The following SYNE2 variants were observed in gnomAD, a reference collection of about 807,000 sequenced individuals.
SYNE2 encodes the protein nesprin-2.
A neutral mutation model predicts 856.3 loss-of-function variants in SYNE2; 431 were observed. The observed-to-expected ratio is 0.50, with a 90% CI of 0.47 to 0.55. The LOEUF (loss-of-function observed/expected upper bound fraction) is 0.55. Ranked by LOEUF, SYNE2 falls within the 20% of genes least tolerant of loss-of-function variation. SYNE2 has a pLI of 0.00. For synonymous variants in SYNE2, 2,923 were observed against 2,872.3 expected, an observed-to-expected ratio of 1.02 and a Z score of -0.56; for missense variants, 8,129 against 8,023.2, an observed-to-expected ratio of 1.01 and a Z score of -0.50.
At chr14:64,190,665 C>G (rs1169926033) in intron 99 of SYNE2, 2 of 698,628 alleles carry the variant, frequency 2.9e-6, no homozygotes, top group Non-Finnish European at 5.2e-6. Context: ...GACTGCCCCA[C>G]TACTTGCACT....
At chr14:64,044,183 A>G (rs757168421) in intron 45 of SYNE2, among the ~76,000 whole-genome samples, 8 of 152,246 alleles carry the variant, frequency 5.3e-5, no homozygotes, top group Non-Finnish European at 1.0e-4. Flanking sequence ...GACCGTGGGA[A>G]CCTACCCCTT....
chr14:64,003,713 A>T (rs1406382965), intron 30 of SYNE2, among the ~76,000 whole-genome samples: 1 of 152,202 alleles, frequency 6.6e-6, no homozygotes, highest in Admixed American at 6.5e-5. Context: ...GTGGTGGAAG[A>T]TGCATATGCC....
In SYNE2 at chr14:63,995,978, A is replaced by G. The variant is rs2096711299; in HGVS notation, c.2940+776A>G. Among the ~76,000 whole-genome samples the G allele has an allele frequency of 6.6e-5, 10 of 152,246 alleles. No homozygotes were observed. In the South Asian group the frequency reaches 2.1e-3, roughly 32 times the overall value. Reference sequence around the variant, plus strand: ...TGGGGTTTGACCTGCCTTCTCTGCAATGATAGTGCGTCAATTTTTCTCTCC... The same window carrying G: ...TGGGGTTTGACCTGCCTTCTCTGCAGTGATAGTGCGTCAATTTTTCTCTCC... On this transcript the variant is annotated intron_variant, in intron 23 of 115. Transcript: ENST00000555002.
chr14:64,023,388 C>A (rs187166841), intron 38 of SYNE2: 1 of 153,736 alleles, frequency 6.5e-6, no homozygotes, highest in Admixed American at 6.4e-5. Flanking sequence ...CTTACAGAAT[C>A]TCTACTTTTA....
At chr14:64,086,970 A>G (rs567226387) in intron 57 of SYNE2, among the ~76,000 whole-genome samples, 1 of 151,616 alleles carries the variant, frequency 6.6e-6, no homozygotes, top group East Asian at 1.9e-4. Context: ...TCAGCCTCCC[A>G]AAGTGCTGGA....
At chr14:63,793,707 C>G (rs1887817353) in intron 1 of SYNE2, among the ~76,000 whole-genome samples, 2 of 151,932 alleles carry the variant, frequency 1.3e-5, no homozygotes, top group African/African-American at 4.8e-5. Flanking sequence ...GAGGCCAGAG[C>G]ATGAGGATTG....
intron 64 of SYNE2, among the ~76,000 whole-genome samples, chr14:64,103,321 T>C (rs1052168321): frequency 6.6e-6 from 1 of 151,170 alleles, no homozygotes; most frequent in Middle Eastern, 3.5e-3. Context: ...GCCACTCTTT[T>C]GGGAGTTTTG....
At chr14:64,145,942 C>A in intron 83 of SYNE2, 126 bp from the exon 84 acceptor site, 1 of 604,480 alleles carries the variant, frequency 1.7e-6, no homozygotes, top group South Asian at 2.6e-5. Flanking sequence ...GTTATCAGAG[C>A]ATCTTATTAC....
chr14:63,791,851 A>AG (rs1887744855), intron 1 of SYNE2, among the ~76,000 whole-genome samples: 1 of 140,686 alleles, frequency 7.1e-6, no homozygotes, highest in African/African-American at 2.6e-5. Flanking sequence ...AGGCTGAGGC[A>AG]GGGGAATGGT....
intron 1 of SYNE2, among the ~76,000 whole-genome samples, chr14:63,856,835 G>A (rs890017350): frequency 9.2e-5 from 14 of 152,198 alleles, no homozygotes; most frequent in Admixed American, 6.5e-4. Flanking sequence ...ACAGTGGTGC[G>A]ATCATGGCTC....
At chr14:63,938,960 G>A (rs1314924727) in intron 2 of SYNE2, among the ~76,000 whole-genome samples, 4 of 152,116 alleles carry the variant, frequency 2.6e-5, no homozygotes, top group East Asian at 1.9e-4. Context: ...GCATGTGTGC[G>A]CTTGCATGTG....
Position 64,078,086 on chromosome 14 carries a change from T to C in SYNE2, c.11023-380T>C, listed in dbSNP as rs147892613. Among the ~76,000 whole-genome samples the C allele has an allele frequency of 3.2e-3, 485 of 152,328 alleles. 1 individual carries two copies. Among genetic ancestry groups the C allele is most frequent in the African/African-American group, 0.011 (464 of 41,564 alleles). On this transcript the variant is annotated intron_variant, in intron 54 of 115. Coordinates refer to ENST00000555002, the MANE Select transcript of SYNE2 (RefSeq NM_182914.3). ...GATAGATTCTCATAAAATGGAAAGA[T>C]TGTATAAAAATAATTTATCCCCCAG...
chr14:64,063,931 A>G (rs1003128836), intron 50 of SYNE2, among the ~76,000 whole-genome samples: 1 of 152,198 alleles, frequency 6.6e-6, no homozygotes, highest in South Asian at 2.1e-4. Flanking sequence ...GTACACGCCT[A>G]TGATAAAGTT....
intron 36 of SYNE2, 107 bp from the exon 37 acceptor site, chr14:64,021,750 C>T: frequency 7.9e-7 from 1 of 1,259,338 alleles, no homozygotes; most frequent in Non-Finnish European, 1.1e-6. Context: ...TGAATCCACT[C>T]AACAGAGAGT....
At chr14:63,948,790 A>ATG (rs1566884745) in intron 6 of SYNE2, among the ~76,000 whole-genome samples, 2,157 of 73,880 alleles carry the variant, frequency 0.029, 187 homozygotes, top group African/African-American at 0.14. Context: ...GTGTATATAT[A>ATG]TATATATATA....
chr14:64,154,792 C>CAAAAAAAA (rs34020154), intron 85 of SYNE2, among the ~76,000 whole-genome samples: 1 of 91,118 alleles, frequency 1.1e-5, no homozygotes, highest in Non-Finnish European at 2.3e-5. Flanking sequence ...GACCCTGTCT[C>CAAAAAAAA]AAAAAAAAAA....
Position 64,007,227 on chromosome 14 carries a change from G to A in SYNE2, c.4577+5G>A. 6.2e-7 allele frequency: 1 copy of A among 1,613,226 alleles called. No individual in the cohort carries two copies. The highest frequency in any genetic ancestry group is 8.5e-7 in the Non-Finnish European group (1 of 1,179,356). On this transcript the variant is annotated splice_donor_5th_base_variant and intron_variant, in intron 31 of 115. Transcript: ENST00000555002. ...CAAAGCCTTGGTCACCGAATGGTAAGGAAAAAAAAGAATCCCTCTTGAATC... is the reference window on the plus strand; with the variant it reads ...CAAAGCCTTGGTCACCGAATGGTAAAGAAAAAAAAGAATCCCTCTTGAATC...
At chr14:64,098,200 G>A (rs888939244) in intron 62 of SYNE2, 54 bp downstream of exon 62, 1 of 1,588,698 alleles carries the variant, frequency 6.3e-7, no homozygotes, top group East Asian at 2.2e-5. Context: ...AGCATTAATG[G>A]GTAGTGTTTT....
chr14:64,108,312 A>G (rs2097784291), intron 65 of SYNE2, among the ~76,000 whole-genome samples: 2 of 152,196 alleles, frequency 1.3e-5, no homozygotes, highest in African/African-American at 2.4e-5. Flanking sequence ...AGATTGCGCC[A>G]CTGCACTCCA....
Sources: allele counts gnomAD v4.1 joint callset (sites outside exome capture counted in the v4.1 genomes callset), GRCh38; gene constraint gnomAD v4.1.1; transcripts MANE v1.5; gene names NCBI Gene and HGNC (gene_info 2026-07-23, HGNC 2026-07-21).